ELMO1: variants seen among roughly 807,000 people sequenced by gnomAD.
The protein encoded by ELMO1 is engulfment and cell motility 1.
Under a neutral mutation model 98.9 loss-of-function variants are expected in ELMO1, and 26 were observed. The observed-to-expected ratio is 0.26, with a 90% CI of 0.19 to 0.36. The LOEUF (loss-of-function observed/expected upper bound fraction) is 0.36. Among genes scored for constraint, ELMO1 ranks in the 10% least tolerant of loss-of-function variants. The probability of loss-of-function intolerance (pLI) is 1.00; values close to 1 mark genes in which losing one functional copy is unlikely to be tolerated. For synonymous variants in ELMO1, 346 were observed against 346.0 expected (o/e 1.00, Z 0.00); for missense variants, 627 against 935.2 (o/e 0.67, Z 4.30).
chr7:37,373,691 C>T (rs1052305746), intron 1 of ELMO1, among the ~76,000 whole-genome samples: 3 of 152,058 alleles, frequency 2.0e-5, no homozygotes, highest in Non-Finnish European at 4.4e-5. Context: ...TTTTAAACAA[C>T]TCAATACATT....
intron 16 of ELMO1, among the ~76,000 whole-genome samples, chr7:36,996,164 C>T (rs1792196111): frequency 5.9e-5 from 9 of 152,122 alleles, no homozygotes. Flanking sequence ...TTGGAAATAG[C>T]TTAATTTTTT....
intron 13 of ELMO1, among the ~76,000 whole-genome samples, chr7:37,168,885 A>G (rs1485676142): frequency 6.6e-6 from 1 of 152,218 alleles, no homozygotes; most frequent in Non-Finnish European, 1.5e-5. Flanking sequence ...ACGCAGGGAC[A>G]TTTAAGTCTG....
intron 18 of ELMO1, 81 bp from the exon 19 acceptor site, chr7:36,878,198 G>T (rs984796092): frequency 2.9e-6 from 3 of 1,049,390 alleles, no homozygotes; most frequent in Non-Finnish European, 4.3e-6. Context: ...TAATACTCTT[G>T]CCTGGAGGAA....
chr7:37,351,072 G>A (rs1801243909), intron 1 of ELMO1: 1 of 151,348 alleles, frequency 6.6e-6, no homozygotes, highest in Non-Finnish European at 1.5e-5. Flanking sequence ...TCAAAGAAGA[G>A]CCTGATGATT....
intron 16 of ELMO1, among the ~76,000 whole-genome samples, chr7:36,907,773 C>A (rs1784065559): frequency 6.6e-6 from 1 of 152,238 alleles, no homozygotes; most frequent in Admixed American, 6.5e-5. Context: ...CCACTCCTCT[C>A]TCCCATGCCA....
chr7:37,124,683 T>C (rs552063905), intron 14 of ELMO1, among the ~76,000 whole-genome samples: 2,477 of 152,202 alleles, frequency 0.016, 62 homozygotes, highest in African/African-American at 0.057. Context: ...GTAGGAAGAA[T>C]CAATATCATG....
intron 7 of ELMO1, among the ~76,000 whole-genome samples, chr7:37,236,121 A>T (rs1181165444): frequency 6.6e-6 from 1 of 152,252 alleles, no homozygotes; most frequent in Non-Finnish European, 1.5e-5. Context: ...CCTGCTCAAT[A>T]GAGCCCTAAT....
At chr7:37,092,364 TTC>T (rs1784146113) in intron 15 of ELMO1, among the ~76,000 whole-genome samples, 1 of 138,514 alleles carries the variant, frequency 7.2e-6, no homozygotes, top group Non-Finnish European at 1.5e-5. Flanking sequence ...ATTACCCATA[TTC>T]TTTTTTTTTT....
chr7:37,168,992 A>C (rs4523151), intron 13 of ELMO1, among the ~76,000 whole-genome samples: 107,526 of 152,110 alleles, frequency 0.71, 40,651 homozygotes, highest in Non-Finnish European at 0.83. Flanking sequence ...GTGGGCTCCA[A>C]CCAGTTCGAG....
chr7:37,188,487 T>TTAAAAAAAAAA (rs1318399531), intron 13 of ELMO1, among the ~76,000 whole-genome samples: 3 of 32,048 alleles, frequency 9.4e-5, no homozygotes, highest in Non-Finnish European at 1.5e-4. Flanking sequence ...TGGAGAAAGG[T>TTAAAAAAAAAA]AAAAAAAAAA....
In ELMO1 at chr7:36,855,460, G is replaced by A. The variant is rs1463735902; in HGVS notation, c.*91C>T. On this transcript the variant is annotated 3_prime_UTR_variant, in exon 22 of 22. Coordinates refer to ENST00000310758, the MANE Select transcript of ELMO1 (RefSeq NM_014800.11). The surrounding 1 kb of genome is among the most constrained non-coding windows in gnomAD (Gnocchi z 4.2). ...GACCCACAGCTTCCCTTTACCAAAG[G>A]ACGGTTCCAAGGCGTGGGTGTGTTT... The A allele has an allele frequency of 2.6e-6, 4 of 1,521,786 alleles. No homozygotes were observed. Among genetic ancestry groups the A allele is most frequent in the African/African-American group, 1.4e-5 (1 of 73,084 alleles). The allele number at this position is 1,521,786 out of a possible 1,614,324, so 94.3% of individuals were successfully genotyped here.
At chr7:36,971,442 G>T (rs1160894818) in intron 16 of ELMO1, among the ~76,000 whole-genome samples, 5 of 152,060 alleles carry the variant, frequency 3.3e-5, no homozygotes, top group East Asian at 3.8e-4. Flanking sequence ...CATAAGAAAA[G>T]AAATCATTTT....
chr7:37,179,559 G>T (rs907955888), intron 13 of ELMO1, among the ~76,000 whole-genome samples: 2 of 152,092 alleles, frequency 1.3e-5, no homozygotes, highest in Non-Finnish European at 2.9e-5. Flanking sequence ...TTACAGGCGT[G>T]AGCCACCGAG....
At chr7:36,982,997 C>T (rs1396583967) in intron 16 of ELMO1, among the ~76,000 whole-genome samples, 2 of 152,236 alleles carry the variant, frequency 1.3e-5, no homozygotes, top group Non-Finnish European at 2.9e-5. Flanking sequence ...CATGGTAGTC[C>T]TGGTGATTCC....
chr7:37,021,421 T>G (rs1794259616), intron 15 of ELMO1, among the ~76,000 whole-genome samples: 1 of 152,152 alleles, frequency 6.6e-6, no homozygotes, highest in Non-Finnish European at 1.5e-5. Flanking sequence ...CCCTTGGGCC[T>G]TTTTTGAGGA....
intron 10 of ELMO1, among the ~76,000 whole-genome samples, chr7:37,221,549 C>T (rs1000989780): frequency 2.6e-5 from 4 of 152,218 alleles, no homozygotes; most frequent in Middle Eastern, 3.4e-3. Flanking sequence ...GAGGTGTGAC[C>T]TAAATTCCAA....
chr7:37,136,415 A>G (rs1038941685), intron 13 of ELMO1, among the ~76,000 whole-genome samples: 1 of 152,226 alleles, frequency 6.6e-6, no homozygotes, highest in Non-Finnish European at 1.5e-5. Flanking sequence ...TCACCTAGGC[A>G]CATAGTCAAC....
intron 16 of ELMO1, among the ~76,000 whole-genome samples, chr7:37,006,881 C>A (rs901966390): frequency 6.6e-6 from 1 of 152,128 alleles, no homozygotes; most frequent in African/African-American, 2.4e-5. Flanking sequence ...AGATAAGTTA[C>A]CAAAGTCACT....
At chr7:37,022,052 A>C (rs1449258137) in intron 15 of ELMO1, among the ~76,000 whole-genome samples, 1 of 152,222 alleles carries the variant, frequency 6.6e-6, no homozygotes. Flanking sequence ...TTGTATATGC[A>C]TCTGGAAGAA....
Sources: allele counts gnomAD v4.1 joint callset (sites outside exome capture counted in the v4.1 genomes callset), GRCh38; gene constraint gnomAD v4.1.1; non-coding constraint Gnocchi (gnomAD v3.1); transcripts MANE v1.5; gene names NCBI Gene and HGNC (gene_info 2026-07-23, HGNC 2026-07-21).